Variants in SGK1 observed in about 807,000 individuals in gnomAD.
SGK1 encodes the protein serum/glucocorticoid regulated kinase 1.
Under a neutral mutation model 64.2 loss-of-function variants are expected in SGK1, and 26 were observed. The ratio of observed to expected loss-of-function variants is 0.40; its 90% CI spans 0.30 to 0.56. SGK1 has a LOEUF of 0.56. SGK1 is among the 20% of genes least tolerant of loss of function. SGK1 has a pLI of 0.38. For synonymous variants in SGK1, 265 were observed against 239.7 expected, an observed-to-expected ratio of 1.11 and a Z score of -0.98; for missense variants, 519 against 645.6, an observed-to-expected ratio of 0.80 and a Z score of 2.12.
rs370972130 is a variant in SGK1 at position 134,285,532 on chromosome 6, A to ATT, written c.70-23386_70-23385dup. On this transcript the variant is annotated intron_variant, in intron 1 of 13. Transcript: ENST00000367858. The stretch of plus-strand genomic sequence containing the variant: ...TTTCACCACATCCGCACCAGCATCA[A>ATT]TTTTTTTTTTTTTTTACTTTTTCAT... Among the ~76,000 whole-genome samples, 1,307 of 139,500 alleles carry ATT rather than the reference A, an allele frequency of 9.4e-3. 27 individuals are homozygous for ATT. Among genetic ancestry groups the ATT allele is most frequent in the African/African-American group, 0.033 (1,244 of 37,930 alleles). 91.5% of individuals were successfully genotyped at this position (139,500 alleles called of 152,430 possible).
intron 3 of SGK1, chr6:134,175,772 C>G (rs1242893656): frequency 1.5e-6 from 2 of 1,332,784 alleles, no homozygotes; most frequent in Non-Finnish European, 1.9e-6. Context: ...CCCCGAGTCC[C>G]AAAACAAACA....
At position 134,172,931 on chromosome 6, in the gene SGK1, C is replaced by T. The variant is rs1329699202; in HGVS notation, c.834+92G>A. ...AATGCTAATTCTGGTAACATTCTCC[C>T]CACCAAAAATCTTTGAAAACTTTTT... On this transcript the variant is annotated intron_variant, in intron 8 of 13. Transcript: ENST00000367858. The T allele has an allele frequency of 2.1e-6, 3 of 1,427,742 alleles. No homozygotes were observed. The African/African-American group carries it at 4.3e-5, about 20-fold the overall frequency. The allele number at this position is 1,427,742 out of a possible 1,614,324, so 88.4% of individuals were successfully genotyped here. A position where few individuals can be genotyped will look rare whatever the true frequency, so the allele number is the denominator to read the frequency against.
chr6:134,303,441 C>A (rs1225353307), intron 1 of SGK1, among the ~76,000 whole-genome samples: 1 of 151,154 alleles, frequency 6.6e-6, no homozygotes, highest in African/African-American at 2.4e-5. Context: ...ATATTAAATG[C>A]CTTGCCCGAT....
chr6:134,297,396 T>A (rs758420299), intron 1 of SGK1: 44 of 770,336 alleles, frequency 5.7e-5, no homozygotes, highest in Non-Finnish European at 4.8e-5. Context: ...AACAGCCAGC[T>A]CCCCATGCTG....
chr6:134,226,230 C>T (rs773431289), intron 2 of SGK1, among the ~76,000 whole-genome samples: 1 of 152,088 alleles, frequency 6.6e-6, no homozygotes, highest in Non-Finnish European at 1.5e-5. Flanking sequence ...AACTCCTATA[C>T]CCCAACCAAA....
At chr6:134,296,316 G>C (rs898360962) in intron 1 of SGK1, among the ~76,000 whole-genome samples, 1 of 151,990 alleles carries the variant, frequency 6.6e-6, no homozygotes, top group South Asian at 2.1e-4. Flanking sequence ...TGTGTTGGCC[G>C]GGCTGGAGTG....
chr6:134,201,929 A>G (rs1329630951), intron 3 of SGK1, among the ~76,000 whole-genome samples: 1 of 152,172 alleles, frequency 6.6e-6, no homozygotes, highest in Non-Finnish European at 1.5e-5. Flanking sequence ...GGGAGAAACA[A>G]TTGCGTCACC....
chr6:134,228,141 G>T (rs1303940485), intron 2 of SGK1, among the ~76,000 whole-genome samples: 1 of 151,814 alleles, frequency 6.6e-6, no homozygotes. Context: ...TTTTTGTAGA[G>T]ATGGGTTTTC....
At chr6:134,288,342 CA>C (rs923235973) in intron 1 of SGK1, among the ~76,000 whole-genome samples, 3 of 152,168 alleles carry the variant, frequency 2.0e-5, no homozygotes, top group Non-Finnish European at 4.4e-5. Flanking sequence ...GCAATAAACA[CA>C]GAGAACTAGT....
At chr6:134,219,817 T>C (rs1013871120) in intron 2 of SGK1, among the ~76,000 whole-genome samples, 5 of 148,630 alleles carry the variant, frequency 3.4e-5, no homozygotes, top group African/African-American at 1.2e-4. Context: ...CCCAGCACTT[T>C]GGGAGGCCGA....
At chr6:134,219,302 G>C (rs748296399) in intron 2 of SGK1, among the ~76,000 whole-genome samples, 3 of 151,578 alleles carry the variant, frequency 2.0e-5, no homozygotes, top group South Asian at 4.2e-4. Context: ...ATGAGCCACC[G>C]TGCCTGGCCC....
Position 134,239,071 on chromosome 6 carries a change from T to C in SGK1, c.285+22862A>G, listed in dbSNP as rs545980665. ...CAGAACAGTCTAACAGCTGAACGCA[T>C]ACTTGGCAAGAAGAGAGCTGCTGTC... is the stretch of plus-strand genomic sequence containing the variant. On this transcript the variant is annotated intron_variant, in intron 2 of 13. Coordinates refer to ENST00000367858, the MANE Select transcript of SGK1 (RefSeq NM_001143676.3). 3.3e-4 allele frequency among the ~76,000 whole-genome samples: 50 copies of C among 152,346 alleles called. No homozygotes were observed. The South Asian group carries it at 6.6e-3, about 20-fold the overall frequency.
chr6:134,221,848 T>TC (rs1486141970), intron 2 of SGK1, among the ~76,000 whole-genome samples: 1 of 152,098 alleles, frequency 6.6e-6, no homozygotes, highest in Non-Finnish European at 1.5e-5. Flanking sequence ...AGACAGGGTT[T>TC]CACCATGTCG....
chr6:134,247,625 G>A (rs748904822), intron 2 of SGK1, among the ~76,000 whole-genome samples: 66 of 152,218 alleles, frequency 4.3e-4, no homozygotes, highest in Non-Finnish European at 8.7e-4. Flanking sequence ...ACGGTTATTC[G>A]TGTTTGGATA....
At chr6:134,174,625 G>A (rs1775153810) in intron 3 of SGK1, 39 bp from the exon 4 acceptor site, 3 of 1,605,738 alleles carry the variant, frequency 1.9e-6, no homozygotes, top group Non-Finnish European at 2.6e-6. Flanking sequence ...ACGTTTAGAC[G>A]GCTTCATAAC....
At chr6:134,185,381 G>A (rs1775404944) in intron 3 of SGK1, among the ~76,000 whole-genome samples, 1 of 152,066 alleles carries the variant, frequency 6.6e-6, no homozygotes, top group East Asian at 1.9e-4. Flanking sequence ...ACAATGATAA[G>A]GACTTGATAA....
chr6:134,233,223 T>C (rs561541557), intron 2 of SGK1, among the ~76,000 whole-genome samples: 1 of 152,222 alleles, frequency 6.6e-6, no homozygotes, highest in Non-Finnish European at 1.5e-5. Context: ...TCTTTCAGTG[T>C]AAAACTATTG....
intron 2 of SGK1, among the ~76,000 whole-genome samples, chr6:134,256,542 TA>T (rs1198043532): frequency 6.6e-6 from 1 of 152,192 alleles, no homozygotes; most frequent in Non-Finnish European, 1.5e-5. Flanking sequence ...ATCTAGATAC[TA>T]AAGGTGCCGT....
chr6:134,256,728 A>G (rs2006916374), intron 2 of SGK1, among the ~76,000 whole-genome samples: 1 of 152,044 alleles, frequency 6.6e-6, no homozygotes, highest in Non-Finnish European at 1.5e-5. Context: ...GCTCTAAGTT[A>G]TCATCTTTCC....
Sources: allele counts gnomAD v4.1 joint callset (sites outside exome capture counted in the v4.1 genomes callset), GRCh38; gene constraint gnomAD v4.1.1; transcripts MANE v1.5; gene names NCBI Gene and HGNC (gene_info 2026-07-23, HGNC 2026-07-21).